TARS3: variants seen among roughly 807,000 people sequenced by gnomAD.
TARS3 encodes the protein threonine--tRNA ligase 2, cytoplasmic.
Under a neutral mutation model 103.5 loss-of-function variants are expected in TARS3, and 94 were observed. The ratio of observed to expected loss-of-function variants is 0.91; its 90% CI spans 0.77 to 1.08. The LOEUF (loss-of-function observed/expected upper bound fraction) is 1.08. Ranked by LOEUF, TARS3 falls within the 50% of genes least tolerant of loss-of-function variation. The pLI, the probability that TARS3 is intolerant of heterozygous loss-of-function variation, is 0.00. For synonymous variants in TARS3, 416 were observed against 355.4 expected (o/e 1.17, Z -1.92); for missense variants, 952 against 995.2 (o/e 0.96, Z 0.58).
rs544333196 is a variant in TARS3 at position 101,704,767 on chromosome 15, G to A, written c.996-830C>T. ...AAAAACTACAAAAAGTGTCAATGTT[G>A]ACGTAAGTAAGGTTCTCAAACCCAA... is the stretch of plus-strand genomic sequence containing the variant. On this transcript the variant is annotated intron_variant, in intron 7 of 18. Transcript: ENST00000335968. 6.6e-5 allele frequency among the ~76,000 whole-genome samples: 10 copies of A among 151,162 alleles called. No homozygotes were observed. The South Asian group carries it at 2.1e-3, about 32-fold the overall frequency.
chr15:101,654,461 G>T lies in TARS3; in HGVS notation c.*121C>A. 9.8e-7 allele frequency: 1 copy of T among 1,024,826 alleles called. No homozygotes were observed. Among genetic ancestry groups the T allele is most frequent in the Non-Finnish European group, 1.4e-6 (1 of 715,090 alleles). The allele number at this position is 1,024,826 out of a possible 1,614,324, so 63.5% of individuals were successfully genotyped here. On this transcript the variant is annotated 3_prime_UTR_variant, in exon 19 of 19. Transcript: ENST00000335968. ...TACACGTTCATCGTCTCCTTTCTCAGCTGAGGCCATGAGTGGACCCATCAG... is the reference window on the plus strand; with the variant it reads ...TACACGTTCATCGTCTCCTTTCTCATCTGAGGCCATGAGTGGACCCATCAG...
intron 4 of TARS3, among the ~76,000 whole-genome samples, chr15:101,714,313 A>T (rs1055671743): frequency 6.6e-6 from 1 of 152,176 alleles, no homozygotes; most frequent in African/African-American, 2.4e-5. Context: ...TTATTGTAAG[A>T]AATGATAAGG....
rs147469848 is a variant in TARS3, at chr15:101,698,673, T to C, written c.1320+2413A>G. ...GAGGATGAGGTGGCTGATAGATAAC[T>C]TGAGTTTTTAGTTCACAGGTCTTAA... On this transcript the variant is annotated intron_variant, in intron 10 of 18. Transcript: ENST00000335968. Among the ~76,000 whole-genome samples, 846 of 152,340 alleles carry C rather than the reference T, an allele frequency of 5.6e-3. 3 individuals carry two copies. The highest frequency in any genetic ancestry group is 9.7e-3 in the Non-Finnish European group (663 of 68,036).
chr15:101,711,468 GA>G (rs1297700359), intron 5 of TARS3, among the ~76,000 whole-genome samples: 2 of 152,148 alleles, frequency 1.3e-5, no homozygotes, highest in Admixed American at 6.5e-5. Context: ...GAGACAGCAA[GA>G]CCAACCCTTC....
At chr15:101,704,229 C>A (rs56374037) in intron 7 of TARS3, among the ~76,000 whole-genome samples, 1 of 151,954 alleles carries the variant, frequency 6.6e-6, no homozygotes, top group African/African-American at 2.4e-5. Flanking sequence ...GTGGCAAACA[C>A]GAAAATGTCA....
chr15:101,679,104 C>G (rs1453062816), intron 12 of TARS3, among the ~76,000 whole-genome samples: 1 of 152,056 alleles, frequency 6.6e-6, no homozygotes, highest in Non-Finnish European at 1.5e-5. Flanking sequence ...TTTCAGTTTA[C>G]TATGATATAT....
intron 16 of TARS3, 30 bp downstream of exon 16, chr15:101,661,682 C>T: frequency 1.6e-6 from 2 of 1,257,086 alleles, no homozygotes; most frequent in South Asian, 1.3e-5. Context: ...GAATAATAGA[C>T]ATATAGTTTT....
rs1463163667 is a variant in TARS3 at position 101,724,457 on chromosome 15, A to T, written c.-70T>A. On this transcript the variant is annotated 5_prime_UTR_variant, in exon 1 of 19. Transcript: ENST00000335968. ...TGCGGCGAGGGCGACGCGGACACTCAGCGCACGGCAGAAGACAGGGCTCCC... is the reference window on the plus strand; with the variant it reads ...TGCGGCGAGGGCGACGCGGACACTCTGCGCACGGCAGAAGACAGGGCTCCC... The T allele has an allele frequency of 8.9e-6, 12 of 1,343,204 alleles. No homozygotes were observed. The South Asian group carries it at 2.0e-4, about 23-fold the overall frequency. The allele number at this position is 1,343,204 out of a possible 1,614,324, so 83.2% of individuals were successfully genotyped here.
At chr15:101,705,646 T>C in intron 7 of TARS3, 37 bp downstream of exon 7, 1 of 1,583,484 alleles carries the variant, frequency 6.3e-7, no homozygotes, top group Non-Finnish European at 8.6e-7. Flanking sequence ...CCTTCAAGTT[T>C]ACCACTGAGC....
At chr15:101,656,802 G>GT (rs1897210884) in intron 18 of TARS3, 120 bp downstream of exon 18, 4 of 650,494 alleles carry the variant, frequency 6.1e-6, no homozygotes, top group Admixed American at 2.9e-5. Flanking sequence ...TTCCTTTTGT[G>GT]TAAGTATTAA....
chr15:101,660,608 G>A (rs1897339641), intron 16 of TARS3, among the ~76,000 whole-genome samples: 2 of 152,190 alleles, frequency 1.3e-5, no homozygotes, highest in Admixed American at 6.5e-5. Flanking sequence ...CTTACATGAT[G>A]AAAGGGATCC....
chr15:101,673,120 T>G (rs1484784138), intron 13 of TARS3, among the ~76,000 whole-genome samples: 1 of 152,184 alleles, frequency 6.6e-6, no homozygotes, highest in Non-Finnish European at 1.5e-5. Context: ...AATGCTCACC[T>G]CAGTGATTTC....
At chr15:101,691,526 CCT>C (rs984523960) in intron 10 of TARS3, among the ~76,000 whole-genome samples, 1 of 152,016 alleles carries the variant, frequency 6.6e-6, no homozygotes, top group African/African-American at 2.4e-5. Context: ...GCGATCCACC[CCT>C]CTCAGCCTCC....
chr15:101,720,362 T>C (rs1900386427), intron 3 of TARS3, among the ~76,000 whole-genome samples: 1 of 152,228 alleles, frequency 6.6e-6, no homozygotes, highest in Non-Finnish European at 1.5e-5. Context: ...ATAAGTTCAC[T>C]AATGTATCTA....
intron 10 of TARS3, chr15:101,696,054 A>T (rs1338719284): frequency 2.6e-5 from 4 of 151,736 alleles, no homozygotes; most frequent in Admixed American, 2.6e-4. Context: ...TAAAAATACA[A>T]AAAAATTAGC....
chr15:101,686,108 A>G, intron 10 of TARS3, 46 bp from the exon 11 acceptor site: 1 of 1,494,140 alleles, frequency 6.7e-7, no homozygotes, highest in Non-Finnish European at 9.1e-7. Flanking sequence ...AGGGCAGATC[A>G]CAATTCCATG....
chr15:101,702,489 G>T, intron 8 of TARS3, 104 bp from the exon 9 acceptor site: 1 of 969,514 alleles, frequency 1.0e-6, no homozygotes, highest in Non-Finnish European at 1.6e-6. Flanking sequence ...CAACAAAGCA[G>T]CCCTGCATGG....
intron 5 of TARS3, among the ~76,000 whole-genome samples, chr15:101,710,139 C>G (rs944040241): frequency 6.6e-6 from 1 of 152,150 alleles, no homozygotes; most frequent in Non-Finnish European, 1.5e-5. Flanking sequence ...CCATTAAAAT[C>G]CCTAAACAAC....
intron 12 of TARS3, among the ~76,000 whole-genome samples, chr15:101,683,550 T>G (rs1222877760): frequency 1.3e-5 from 2 of 152,212 alleles, no homozygotes; most frequent in Non-Finnish European, 2.9e-5. Context: ...TGACTGGGTG[T>G]ACACACATGT....
Sources: gnomAD v4.1 joint callset for allele counts (sites outside exome capture counted in the v4.1 genomes callset) on GRCh38, gnomAD v4.1.1 for gene constraint, MANE v1.5 for transcripts, NCBI Gene and HGNC (gene_info 2026-07-23, HGNC 2026-07-21) for gene names.